The following RBFOX1 variants were observed in gnomAD, a reference collection of about 807,000 sequenced individuals.
RBFOX1 encodes RNA binding fox-1 homolog 1.
RBFOX1 carries 8 observed loss-of-function variants against 57.7 expected under a neutral mutation model. The observed-to-expected ratio is 0.14, with a 90% confidence interval of 0.08 to 0.25. RBFOX1 has a LOEUF of 0.25. Among genes scored for constraint, RBFOX1 ranks in the 10% least tolerant of loss-of-function variants. RBFOX1 has a pLI of 1.00. For missense variants in RBFOX1, 611 were observed against 548.5 expected, an observed-to-expected ratio of 1.11 and a Z score of -1.14; for synonymous variants, 326 against 222.4, an observed-to-expected ratio of 1.47 and a Z score of -4.15.
rs554085773 is a variant in RBFOX1 at position 7,065,932 on chromosome 16, T to C, written c.27+13834T>C. Among the ~76,000 whole-genome samples the C allele has an allele frequency of 5.2e-4, 79 of 152,326 alleles. No individual in the cohort carries two copies. The South Asian group carries it at 6.4e-3, about 12-fold the overall frequency. Reference sequence around the variant, plus strand: ...TTTCTGTGTAAGGCCCTGATCCTTATGTGTTTTTCCCCCACAGTAACTTGT... The same window carrying C: ...TTTCTGTGTAAGGCCCTGATCCTTACGTGTTTTTCCCCCACAGTAACTTGT... On this transcript the variant is annotated intron_variant, in intron 4 of 15. Coordinates refer to ENST00000550418, the MANE Select transcript of RBFOX1 (RefSeq NM_018723.4).
chr16:6,832,212 G>A (rs1057163364), intron 3 of RBFOX1, among the ~76,000 whole-genome samples: 1 of 152,302 alleles, frequency 6.6e-6, no homozygotes, highest in African/African-American at 2.4e-5. Context: ...GAGCCCAAGT[G>A]AATAAATAAG....
intron 3 of RBFOX1, among the ~76,000 whole-genome samples, chr16:6,676,142 GCACACA>G (rs59806354): frequency 0.36 from 51,824 of 145,664 alleles, 9,686 homozygotes; most frequent in Non-Finnish European, 0.41. Flanking sequence ...ACACACACGC[GCACACA>G]CACACACACA....
intron 1 of RBFOX1, among the ~76,000 whole-genome samples, chr16:5,243,938 C>T (rs1356948813): frequency 1.3e-5 from 2 of 151,684 alleles, no homozygotes; most frequent in Non-Finnish European, 2.9e-5. Context: ...ACTCTGTTGC[C>T]CAGGCTGGAG....
At chr16:5,611,734 C>G (rs550718051) in intron 3 of RBFOX1, among the ~76,000 whole-genome samples, 70 of 144,818 alleles carry the variant, frequency 4.8e-4, no homozygotes, top group Middle Eastern at 3.4e-3. Flanking sequence ...ATCCATCCAT[C>G]CATCCATCCA....
At chr16:6,060,917 CA>C (rs1358015090) in intron 1 of RBFOX1, among the ~76,000 whole-genome samples, 2 of 152,164 alleles carry the variant, frequency 1.3e-5, no homozygotes, top group Non-Finnish European at 2.9e-5. Context: ...ATTTCTTTCC[CA>C]CATATGGCAC....
intron 4 of RBFOX1, among the ~76,000 whole-genome samples, chr16:7,384,337 T>A (rs932566770): frequency 6.6e-6 from 1 of 152,252 alleles, no homozygotes; most frequent in South Asian, 2.1e-4. Flanking sequence ...AAAATTTCAA[T>A]ATGAAAAACG....
At chr16:6,741,834 G>A (rs1169630247) in intron 3 of RBFOX1, among the ~76,000 whole-genome samples, 3 of 152,140 alleles carry the variant, frequency 2.0e-5, no homozygotes, top group Non-Finnish European at 4.4e-5. Flanking sequence ...GAAACTGGAA[G>A]GGTAAAGGGT....
At chr16:5,716,107 T>G (rs965273547) in intron 3 of RBFOX1, among the ~76,000 whole-genome samples, 6 of 152,266 alleles carry the variant, frequency 3.9e-5, no homozygotes, top group South Asian at 2.1e-4. Flanking sequence ...GAGATTCCAT[T>G]TCACATTTCA....
chr16:7,520,635 C>A (rs57756719), intron 5 of RBFOX1, among the ~76,000 whole-genome samples: 1 of 152,130 alleles, frequency 6.6e-6, no homozygotes, highest in African/African-American at 2.4e-5. Context: ...CTCCTGCTGC[C>A]GACTTTTTTG....
intron 1 of RBFOX1, among the ~76,000 whole-genome samples, chr16:6,110,904 C>T (rs2096439296): frequency 6.6e-6 from 1 of 152,110 alleles, no homozygotes; most frequent in South Asian, 2.1e-4. Context: ...CTCAAAATGT[C>T]AATAGTGTTG....
At chr16:5,566,693 T>C (rs200633570) in intron 2 of RBFOX1, among the ~76,000 whole-genome samples, 43 of 136,418 alleles carry the variant, frequency 3.2e-4, no homozygotes, top group Admixed American at 1.6e-3. Flanking sequence ...TATATATATA[T>C]ACACATATAT....
chr16:6,602,755 C>G (rs1032907291), intron 2 of RBFOX1, among the ~76,000 whole-genome samples: 2 of 152,094 alleles, frequency 1.3e-5, no homozygotes, highest in African/African-American at 4.8e-5. Context: ...CTGCTTTATC[C>G]CTTCTGTGCA....
chr16:6,378,098 G>A (rs988870289), intron 2 of RBFOX1, among the ~76,000 whole-genome samples: 6 of 152,198 alleles, frequency 3.9e-5, no homozygotes, highest in African/African-American at 9.7e-5. Flanking sequence ...CCCTGTGCCC[G>A]CCTAAGATGA....
chr16:5,935,501 G>A (rs2059150285), intron 4 of RBFOX1, among the ~76,000 whole-genome samples: 1 of 152,172 alleles, frequency 6.6e-6, no homozygotes, highest in Non-Finnish European at 1.5e-5. Flanking sequence ...TTGGTACCTG[G>A]CCCTGGGGTG....
chr16:6,353,009 A>G (rs2086672082), intron 2 of RBFOX1, among the ~76,000 whole-genome samples: 1 of 152,126 alleles, frequency 6.6e-6, no homozygotes, highest in Non-Finnish European at 1.5e-5. Context: ...AAGTCAGGTG[A>G]ATAAGAATGC....
At chr16:7,135,942 A>G (rs949577879) in intron 4 of RBFOX1, among the ~76,000 whole-genome samples, 3 of 152,214 alleles carry the variant, frequency 2.0e-5, no homozygotes, top group Admixed American at 1.3e-4. Flanking sequence ...TTGCCATTTC[A>G]TCGGAAAATA....
intron 5 of RBFOX1, among the ~76,000 whole-genome samples, chr16:7,574,022 G>A (rs995487610): frequency 9.9e-5 from 15 of 151,920 alleles, no homozygotes; most frequent in African/African-American, 3.6e-4. Context: ...TTTTCCTTAG[G>A]AATTACACAC....
intron 3 of RBFOX1, among the ~76,000 whole-genome samples, chr16:6,989,022 C>G (rs1481454794): frequency 6.6e-6 from 1 of 152,040 alleles, no homozygotes; most frequent in African/African-American, 2.4e-5. Context: ...CTCGGACTCC[C>G]AAAGTGCTGG....
chr16:5,427,733 G>C (rs1287801043), intron 1 of RBFOX1, among the ~76,000 whole-genome samples: 1 of 152,110 alleles, frequency 6.6e-6, no homozygotes, highest in African/African-American at 2.4e-5. Context: ...GCTCCCGAGA[G>C]GTCAGTCTTG....
Sources: allele counts gnomAD v4.1 joint callset (sites outside exome capture counted in the v4.1 genomes callset), GRCh38; gene constraint gnomAD v4.1.1; transcripts MANE v1.5; gene names NCBI Gene and HGNC (gene_info 2026-07-23, HGNC 2026-07-21).